Variants in POLD3 observed in about 807,000 individuals in gnomAD.
POLD3 encodes the protein DNA polymerase delta subunit 3.
In POLD3, 19 loss-of-function variants were observed where a neutral mutation model predicts 58.2. That is an observed-to-expected ratio of 0.33 (90% CI 0.23 to 0.48). POLD3 has a LOEUF of 0.48. Among genes scored for constraint, POLD3 ranks in the 20% least tolerant of loss-of-function variants. The pLI, the probability that POLD3 is intolerant of heterozygous loss-of-function variation, is 0.99. For synonymous variants in POLD3, 172 were observed against 193.5 expected (o/e 0.89, Z 0.92); for missense variants, 504 against 545.5 (o/e 0.92, Z 0.76).
intron 9 of POLD3, among the ~76,000 whole-genome samples, chr11:74,633,859 A>G (rs1591315862): frequency 6.6e-6 from 1 of 152,354 alleles, no homozygotes. Context: ...AATATTAAGT[A>G]GGTCCTAGTT....
chr11:74,615,639 C>T (rs185978688), intron 5 of POLD3, among the ~76,000 whole-genome samples: 20 of 152,242 alleles, frequency 1.3e-4, no homozygotes, highest in Admixed American at 1.3e-3. Flanking sequence ...ATATACATTT[C>T]TTAAGTTGAG....
chr11:74,612,753 G>A, intron 4 of POLD3, 125 bp from the exon 5 acceptor site: 1 of 692,730 alleles, frequency 1.4e-6, no homozygotes, highest in Non-Finnish European at 2.4e-6. Context: ...GTGGCTGTGT[G>A]GCCTTTAGAG....
intron 5 of POLD3, among the ~76,000 whole-genome samples, chr11:74,616,639 C>T (rs1340931297): frequency 6.6e-6 from 1 of 152,190 alleles, no homozygotes; most frequent in Non-Finnish European, 1.5e-5. Flanking sequence ...GTTCTTAACT[C>T]TGATGCATAA....
chr11:74,597,088 T>G (rs2031288665), intron 2 of POLD3, among the ~76,000 whole-genome samples: 1 of 152,254 alleles, frequency 6.6e-6, no homozygotes, highest in African/African-American at 2.4e-5. Flanking sequence ...ACATACTGAT[T>G]TCATTTCCTT....
At chr11:74,592,824 A>G (rs2031081907) in intron 1 of POLD3, 106 bp downstream of exon 1, 2 of 1,532,462 alleles carry the variant, frequency 1.3e-6, no homozygotes, top group Non-Finnish European at 8.8e-7. Context: ...CGTGGGGACC[A>G]GGGGAGACAG....
chr11:74,614,685 G>A (rs1210814997), intron 5 of POLD3, among the ~76,000 whole-genome samples: 4 of 148,936 alleles, frequency 2.7e-5, no homozygotes, highest in Non-Finnish European at 5.9e-5. Context: ...ACTCCAGCCT[G>A]GGCGACAGAG....
intron 11 of POLD3, among the ~76,000 whole-genome samples, chr11:74,637,435 C>CTTTTTTTTTTTTTTTTTTTCTTTCTT (rs5792663): frequency 8.7e-6 from 1 of 115,476 alleles, no homozygotes; most frequent in Non-Finnish European, 1.7e-5. Flanking sequence ...CTTTTTCTTC[C>CTTTTTTTTTTTTTTTTTTTCTTTCTT]TTTTTTTTTT....
intron 4 of POLD3, among the ~76,000 whole-genome samples, chr11:74,659,586 T>C (rs1399144420): frequency 6.6e-6 from 1 of 152,232 alleles, no homozygotes; most frequent in East Asian, 1.9e-4. Flanking sequence ...CCCTCTTGAA[T>C]GCTTTGCTGC....
Position 74,641,610 on chromosome 11 carries a change from C to G in POLD3, c.*844C>G, listed in dbSNP as rs2032916208. ...TCCCCTCCTCCCCCACTCTCAATAC[C>G]TAGAGAGTGAAACCCGTACAATGAG... On this transcript the variant is annotated 3_prime_UTR_variant, in exon 12 of 12. Coordinates refer to ENST00000263681, the MANE Select transcript of POLD3 (RefSeq NM_006591.3). 3.0e-6 allele frequency: 3 copies of G among 985,274 alleles called. No individual in the cohort carries two copies. Among genetic ancestry groups the G allele is most frequent in the Non-Finnish European group, 3.6e-6 (3 of 829,848 alleles). 61.0% of individuals were successfully genotyped at this position (985,274 alleles called of 1,614,324 possible). A position where few individuals can be genotyped will look rare whatever the true frequency, so the allele number is the denominator to read the frequency against.
rs1392217850 is a variant in POLD3 at position 74,618,820 on chromosome 11, A to G, written c.660+16A>G. Reference sequence around the variant, plus strand: ...AGTAACAAATGTAAGTCTTCTTTGAAGATACCCCTTCATTGCAGCTCAGAG... The same window carrying G: ...AGTAACAAATGTAAGTCTTCTTTGAGGATACCCCTTCATTGCAGCTCAGAG... On this transcript the variant is annotated intron_variant, in intron 6 of 11. Transcript: ENST00000263681. The G allele has an allele frequency of 6.2e-7, 1 of 1,600,926 alleles. No homozygotes were observed. Among genetic ancestry groups the G allele is most frequent in the African/African-American group, 1.3e-5 (1 of 74,646 alleles).
At chr11:74,636,056 T>C in intron 10 of POLD3, 141 bp from the exon 11 acceptor site, 1 of 796,478 alleles carries the variant, frequency 1.3e-6, no homozygotes, top group South Asian at 1.9e-5. Flanking sequence ...GTTGGTTCTC[T>C]AAAACTAATG....
At chr11:74,615,886 CT>C (rs1187846078) in intron 5 of POLD3, among the ~76,000 whole-genome samples, 1 of 151,108 alleles carries the variant, frequency 6.6e-6, no homozygotes, top group African/African-American at 2.4e-5. Context: ...GACATTAGTT[CT>C]TTTTTTTTCT....
rs2032909505 is a variant in POLD3, at chr11:74,641,413, C to T, written c.*647C>T. The T allele has an allele frequency of 1.0e-6, 1 of 985,276 alleles. No individual in the cohort carries two copies. The highest frequency in any genetic ancestry group is 1.7e-5 in the African/African-American group (1 of 57,208). The allele number at this position is 985,276 out of a possible 1,614,324, so 61.0% of individuals were successfully genotyped here. ...TTCCTTTCACAAAAGCTCTCTGGGACCTTCACTTGCAATTAGTGGTTAGGG... is the reference window on the plus strand; with the variant it reads ...TTCCTTTCACAAAAGCTCTCTGGGATCTTCACTTGCAATTAGTGGTTAGGG... On this transcript the variant is annotated 3_prime_UTR_variant, in exon 12 of 12. Coordinates refer to ENST00000263681, the MANE Select transcript of POLD3 (RefSeq NM_006591.3).
At chr11:74,634,766 A>G in intron 10 of POLD3, 71 bp downstream of exon 10, 1 of 864,860 alleles carries the variant, frequency 1.2e-6, no homozygotes, top group Non-Finnish European at 2.0e-6. Flanking sequence ...CCACTATGCT[A>G]AATTAGTTCC....
intron 1 of POLD3, 104 bp downstream of exon 1, chr11:74,592,822 C>T: frequency 6.5e-7 from 1 of 1,547,742 alleles, no homozygotes; most frequent in Non-Finnish European, 8.7e-7. Context: ...TTCGTGGGGA[C>T]CAGGGGAGAC....
chr11:74,620,067 CT>C lies in POLD3; in HGVS notation c.717del (p.Phe239LeufsTer6). On this transcript the variant is annotated frameshift_variant, in exon 7 of 12. Transcript: ENST00000263681. LOFTEE classifies it high-confidence loss of function. ...APGKGNMMSNFFGKAAMNKFK... is the reference protein window; with the variant it reads ...APGKGNMMSNXFGKAAMNKFK... ...CAGGGAAAGGGAATATGATGAGCAA[CT>C]TTTTTGGAAAAGCTGCTATGAGTAA... 6.2e-7 allele frequency: 1 copy of C among 1,613,238 alleles called. No homozygotes were observed. Among genetic ancestry groups the C allele is most frequent in the Non-Finnish European group, 8.5e-7 (1 of 1,179,240 alleles).
chr11:74,608,194 T>G (rs1374499842), intron 3 of POLD3, among the ~76,000 whole-genome samples: 1 of 152,314 alleles, frequency 6.6e-6, no homozygotes, highest in East Asian at 1.9e-4. Context: ...TGGTGATGTT[T>G]TGCCTTGAAC....
At position 74,643,023 on chromosome 11, in the gene POLD3, A is replaced by C; in HGVS notation, c.*2257A>C. The C allele has an allele frequency of 1.4e-6, 1 of 706,304 alleles. No homozygotes were observed. Among genetic ancestry groups the C allele is most frequent in the South Asian group, 6.4e-5 (1 of 15,626 alleles). 43.8% of individuals were successfully genotyped at this position (706,304 alleles called of 1,614,324 possible). A position where few individuals can be genotyped will look rare whatever the true frequency, so the allele number is the denominator to read the frequency against. On this transcript the variant is annotated 3_prime_UTR_variant, in exon 12 of 12. Coordinates refer to ENST00000263681, the MANE Select transcript of POLD3 (RefSeq NM_006591.3). ...GACTGTGGGCAAGTTTCACAGCCTC[A>C]AGTTCTTTATCAAAATAAAACTAAA...
At chr11:74,653,522 G>A (rs1408987006) in intron 4 of POLD3, among the ~76,000 whole-genome samples, 1 of 151,950 alleles carries the variant, frequency 6.6e-6, no homozygotes. Flanking sequence ...GTAAACCTGA[G>A]AGCAACCACT....
Sources: gnomAD v4.1 joint callset for allele counts (sites outside exome capture counted in the v4.1 genomes callset) on GRCh38, gnomAD v4.1.1 for gene constraint, MANE v1.5 for transcripts, NCBI Gene and HGNC (gene_info 2026-07-23, HGNC 2026-07-21) for gene names.